The following ARMC1 variants were observed in gnomAD, a reference collection of about 807,000 sequenced individuals.
The protein encoded by ARMC1 is armadillo repeat containing 1.
ARMC1 carries 16 observed loss-of-function variants against 31.4 expected under a neutral mutation model. That is an observed-to-expected ratio of 0.51 (90% CI 0.34 to 0.77). The LOEUF (loss-of-function observed/expected upper bound fraction) is 0.77. ARMC1 is among the 30% of genes least tolerant of loss of function. The pLI is 0.01. For synonymous variants in ARMC1, 114 were observed against 118.9 expected (o/e 0.96, Z 0.27); for missense variants, 259 against 347.5 (o/e 0.75, Z 2.02).
At chr8:65,609,857 C>CAAAAAAAAAAAAAAAAA (rs35519675) in intron 4 of ARMC1, among the ~76,000 whole-genome samples, 3 of 93,060 alleles carry the variant, frequency 3.2e-5, no homozygotes, top group Admixed American at 1.3e-4. Context: ...GACTCTGTCT[C>CAAAAAAAAAAAAAAAAA]AAAAAAAAAA....
At chr8:65,623,805 T>C (rs1208374727) in intron 2 of ARMC1, among the ~76,000 whole-genome samples, 1 of 136,516 alleles carries the variant, frequency 7.3e-6, no homozygotes, top group East Asian at 2.2e-4. Context: ...TTTTTTTTTT[T>C]TTTTTTGGTG....
intron 2 of ARMC1, among the ~76,000 whole-genome samples, chr8:65,623,867 G>A (rs1391166226): frequency 1.7e-5 from 2 of 114,418 alleles, no homozygotes; most frequent in African/African-American, 3.5e-5. Flanking sequence ...GCACAAACTC[G>A]GCCTACTGCA....
At chr8:65,612,960 T>C (rs113856241) in intron 4 of ARMC1, among the ~76,000 whole-genome samples, 1,527 of 152,340 alleles carry the variant, frequency 0.01, 29 homozygotes, top group African/African-American at 0.035. Flanking sequence ...ATTTTCTGTA[T>C]GCTTCCTGTA....
intron 2 of ARMC1, among the ~76,000 whole-genome samples, chr8:65,626,543 C>T (rs1808515317): frequency 6.6e-6 from 1 of 151,462 alleles, no homozygotes; most frequent in African/African-American, 2.4e-5. Context: ...TAATTGTATA[C>T]TTTAAATGAG....
rs1014373081 is a variant in ARMC1 at position 65,623,466 on chromosome 8, G to A, written c.184-1112C>T. On this transcript the variant is annotated intron_variant, in intron 2 of 6. Coordinates refer to ENST00000276569, the MANE Select transcript of ARMC1 (RefSeq NM_018120.6). ...TCTACTAAAAATACAAAAATTAGCC[G>A]GGCATGATGGCACGCACCTGTAATC... Among the ~76,000 whole-genome samples, 9 of 150,220 alleles carry A rather than the reference G, an allele frequency of 6.0e-5. No individual in the cohort carries two copies. In the South Asian group the frequency reaches 1.1e-3, roughly 18 times the overall value.
chr8:65,633,130 C>A (rs1455770205), intron 1 of ARMC1: 1 of 152,184 alleles, frequency 6.6e-6, no homozygotes, highest in Admixed American at 6.6e-5. Flanking sequence ...ATGTGAGACA[C>A]CTGTAATTAG....
At chr8:65,606,339 C>G (rs1292497611) in intron 4 of ARMC1, among the ~76,000 whole-genome samples, 1 of 141,642 alleles carries the variant, frequency 7.1e-6, no homozygotes, top group East Asian at 2.0e-4. Context: ...CCAGCCTGGG[C>G]GACAGAGCAA....
chr8:65,613,950 A>G (rs1808196839), intron 3 of ARMC1, among the ~76,000 whole-genome samples: 1 of 107,976 alleles, frequency 9.3e-6, no homozygotes, highest in Admixed American at 9.6e-5. Flanking sequence ...ACAGAGGGAG[A>G]CTCCATCTCA....
intron 1 of ARMC1, among the ~76,000 whole-genome samples, chr8:65,632,269 T>G (rs933613367): frequency 2.0e-5 from 3 of 151,940 alleles, no homozygotes; most frequent in African/African-American, 7.3e-5. Flanking sequence ...CAAAACCCCA[T>G]CTCTACTAAA....
intron 3 of ARMC1, among the ~76,000 whole-genome samples, chr8:65,620,294 C>CTTTT (rs755112362): frequency 9.7e-4 from 87 of 90,146 alleles, no homozygotes; most frequent in East Asian, 1.6e-3. Context: ...ATTATTATTA[C>CTTTT]TTTTTTTTTT....
At chr8:65,623,428 G>A (rs568923242) in intron 2 of ARMC1, among the ~76,000 whole-genome samples, 1 of 151,664 alleles carries the variant, frequency 6.6e-6, no homozygotes, top group Non-Finnish European at 1.5e-5. Flanking sequence ...GGCCAACATG[G>A]CAAAACCCCG....
rs1177856124 is a variant in ARMC1 at position 65,602,551 on chromosome 8, T to C, written c.*1843A>G. 6.6e-6 allele frequency: 1 copy of C among 152,180 alleles called. No individual in the cohort carries two copies. The highest frequency in any genetic ancestry group is 1.5e-5 in the Non-Finnish European group (1 of 68,032). 9.4% of individuals were successfully genotyped at this position (152,180 alleles called of 1,614,324 possible). On this transcript the variant is annotated 3_prime_UTR_variant, in exon 7 of 7. Coordinates refer to ENST00000276569, the MANE Select transcript of ARMC1 (RefSeq NM_018120.6). ...CAGTTGTCTTAACTACTCTATATGA[T>C]CTGGAATAAAGAACTCTTAGAATTA...
intron 1 of ARMC1, among the ~76,000 whole-genome samples, chr8:65,632,679 G>A (rs1180337009): frequency 6.6e-6 from 1 of 152,134 alleles, no homozygotes; most frequent in African/African-American, 2.4e-5. Flanking sequence ...GCTCACGCCT[G>A]TAATCCCAGC....
In ARMC1 at chr8:65,608,944, T is replaced by A. The variant is rs1180227596; in HGVS notation, c.466-3406A>T. Among the ~76,000 whole-genome samples the A allele has an allele frequency of 6.6e-4, 100 of 151,972 alleles. 2 individuals are homozygous for A. The highest frequency in any genetic ancestry group is 6.6e-3 in the Admixed American group (100 of 15,232). The stretch of plus-strand genomic sequence containing the variant: ...TAAAGAAAGAAAGAAGATATACATC[T>A]CTCTGTGCTGTCAGAAACAAATGAG... On this transcript the variant is annotated intron_variant, in intron 4 of 6. Transcript: ENST00000276569.
intron 3 of ARMC1, among the ~76,000 whole-genome samples, chr8:65,620,521 C>T (rs1317508803): frequency 2.8e-5 from 3 of 108,634 alleles, no homozygotes; most frequent in Admixed American, 9.1e-5. Flanking sequence ...AGGCTGGCCT[C>T]GAACTCCCTA....
At chr8:65,616,741 C>A (rs1410741340) in intron 3 of ARMC1, among the ~76,000 whole-genome samples, 2 of 149,780 alleles carry the variant, frequency 1.3e-5, no homozygotes, top group East Asian at 2.0e-4. Flanking sequence ...GCCTCTGCCC[C>A]GCCGCCCCGT....
intron 4 of ARMC1, among the ~76,000 whole-genome samples, chr8:65,609,544 C>T (rs1359080109): frequency 2.6e-5 from 4 of 152,094 alleles, no homozygotes; most frequent in African/African-American, 7.2e-5. Context: ...TATCCTGAGC[C>T]TAAGCACCTA....
intron 2 of ARMC1, among the ~76,000 whole-genome samples, chr8:65,623,051 T>G (rs1427121609): frequency 4.8e-4 from 71 of 148,856 alleles, no homozygotes; most frequent in Middle Eastern, 3.6e-3. Context: ...GGCTCACGCC[T>G]GTAATCTCAG....
intron 4 of ARMC1, among the ~76,000 whole-genome samples, chr8:65,608,844 C>T (rs904651450): frequency 6.6e-6 from 1 of 151,496 alleles, no homozygotes; most frequent in Non-Finnish European, 1.5e-5. Context: ...GGGAGGTGGA[C>T]GTTGCAGTGA....
Sources: gnomAD v4.1 joint callset for allele counts (sites outside exome capture counted in the v4.1 genomes callset) on GRCh38, gnomAD v4.1.1 for gene constraint, MANE v1.5 for transcripts, NCBI Gene and HGNC (gene_info 2026-07-23, HGNC 2026-07-21) for gene names.